WDR24: variants seen among roughly 807,000 people sequenced by gnomAD.
WDR24 encodes GATOR2 complex protein WDR24.
In WDR24, 32 loss-of-function variants were observed where a neutral mutation model predicts 66.7. The ratio of observed to expected loss-of-function variants is 0.48; its 90% CI spans 0.36 to 0.64. The LOEUF is 0.64. Ranked by LOEUF, WDR24 falls within the 30% of genes least tolerant of loss-of-function variation. The pLI is 0.00. For missense variants in WDR24, 978 were observed against 1,144.1 expected (o/e 0.85, Z 2.09); for synonymous variants, 565 against 469.1 (o/e 1.20, Z -2.64).
Position 685,872 on chromosome 16 carries a change from C to G in WDR24, c.1570G>C (p.Glu524Gln), listed in dbSNP as rs1445043055. The G allele has an allele frequency of 2.5e-6, 4 of 1,613,096 alleles. No homozygotes were observed. The African/African-American group carries it at 5.3e-5, about 22-fold the overall frequency. ...ACCCCTACCCACCCCAGCCTACCCT[C>G]ATTGGTGATGAGTGTGGCCGAGGAG... is the stretch of plus-strand genomic sequence containing the variant. ...LDSSATLITN[E>Q]DNEETEGSDV... Residue 524 changes from glutamate (E) to glutamine (Q), a missense_variant, in exon 5 of 9, where the codon GAG becomes CAG. By Grantham distance (29) the Glu-to-Gln change is conservative. Around this residue, in one of 2 missense-constraint regions of WDR24, gnomAD observed 676 missense variants for 617.5 expected, o/e 1.09. Transcript: ENST00000293883.
At position 690,351 on chromosome 16, in the gene WDR24, T is replaced by G. The variant is rs1374161747; in HGVS notation, c.-711A>C. 3 of 456,522 alleles carry G rather than the reference T, an allele frequency of 6.6e-6. No individual in the cohort carries two copies. The highest frequency in any genetic ancestry group is 1.3e-5 in the Non-Finnish European group (3 of 226,914). 28.3% of individuals were successfully genotyped at this position (456,522 alleles called of 1,614,324 possible). On this transcript the variant is annotated 5_prime_UTR_variant, in exon 1 of 9. Coordinates refer to ENST00000293883, the MANE Select transcript of WDR24 (RefSeq NM_032259.4). Reference sequence around the variant, plus strand: ...CCCTTCTCCCCCGCGCGAACCCCAATCTTTTACTAAAAGCGCACGGTTGTC... The same window carrying G: ...CCCTTCTCCCCCGCGCGAACCCCAAGCTTTTACTAAAAGCGCACGGTTGTC...
Position 685,870 on chromosome 16 carries a change from C to T in WDR24, c.1572G>A (p.Glu524=). Residue 524 remains glutamate, a splice_region_variant and synonymous_variant, in exon 5 of 9, where the codon GAG becomes GAA. Transcript: ENST00000293883. The part of the protein sequence containing the change: ...LDSSATLITN[E]DNEETEGSDV... ...GCACCCCTACCCACCCCAGCCTACC[C>T]TCATTGGTGATGAGTGTGGCCGAGG... 6.2e-7 allele frequency: 1 copy of T among 1,613,202 alleles called. No homozygotes were observed. Among genetic ancestry groups the T allele is most frequent in the Non-Finnish European group, 8.5e-7 (1 of 1,179,994 alleles).
rs373353229 is a variant in WDR24, at chr16:686,223, A to G, written c.1333-37T>C. 6 of 1,603,730 alleles carry G rather than the reference A, an allele frequency of 3.7e-6. No homozygotes were observed. In the African/African-American group the frequency reaches 8.0e-5, roughly 21 times the overall value. ...CACTGGTCACTTGTGGGCGTCCTGGACACCCAGCACCCCATGCAGGTCCCT... is the reference window on the plus strand; with the variant it reads ...CACTGGTCACTTGTGGGCGTCCTGGGCACCCAGCACCCCATGCAGGTCCCT... On this transcript the variant is annotated intron_variant, in intron 3 of 8. Coordinates refer to ENST00000293883, the MANE Select transcript of WDR24 (RefSeq NM_032259.4).
Position 690,361 on chromosome 16 carries a change from A to G in WDR24, c.-721T>C. 2.2e-6 allele frequency: 1 copy of G among 456,562 alleles called. No homozygotes were observed. Among genetic ancestry groups the G allele is most frequent in the Non-Finnish European group, 4.4e-6 (1 of 226,910 alleles). The allele number at this position is 456,562 out of a possible 1,614,324, so 28.3% of individuals were successfully genotyped here. A position where few individuals can be genotyped will look rare whatever the true frequency, so the allele number is the denominator to read the frequency against. On this transcript the variant is annotated 5_prime_UTR_variant, in exon 1 of 9. Coordinates refer to ENST00000293883, the MANE Select transcript of WDR24 (RefSeq NM_032259.4). ...CCGCGCGAACCCCAATCTTTTACTAAAAGCGCACGGTTGTCCGGAACCGCC... is the reference window on the plus strand; with the variant it reads ...CCGCGCGAACCCCAATCTTTTACTAGAAGCGCACGGTTGTCCGGAACCGCC...
intron 7 of WDR24, 32 bp from the exon 8 acceptor site, chr16:685,208 T>TACCCA: frequency 1.3e-6 from 2 of 1,598,940 alleles, no homozygotes; most frequent in South Asian, 2.2e-5. Context: ...AGTCAGGATC[T>TACCCA]GGGTGCCAGG....
At chr16:688,229 C>T (rs2039931929) in intron 1 of WDR24, 3 of 367,186 alleles carry the variant, frequency 8.2e-6, no homozygotes, top group East Asian at 7.4e-5. Flanking sequence ...GGGACCACCA[C>T]ACCAAGAAAC....
Position 685,179 on chromosome 16 carries a change from G to C in WDR24, c.2020-3C>G. On this transcript the variant is annotated splice_region_variant and splice_polypyrimidine_tract_variant and intron_variant, in intron 7 of 8. Coordinates refer to ENST00000293883, the MANE Select transcript of WDR24 (RefSeq NM_032259.4). ...ATGTAGGAAGTGTACCAGTGCTCCT[G>C]GGGGAGGGAGCGCCCGGCAGTCAGG... 6.3e-7 allele frequency: 1 copy of C among 1,589,108 alleles called. No homozygotes were observed. Among genetic ancestry groups the C allele is most frequent in the African/African-American group, 1.3e-5 (1 of 74,406 alleles).
rs778109868 is a variant in WDR24, at chr16:687,997, A to G, written c.482-258T>C. On this transcript the variant is annotated intron_variant, in intron 1 of 8. Coordinates refer to ENST00000293883, the MANE Select transcript of WDR24 (RefSeq NM_032259.4). ...ATTTGCCGTAGATTCTGCATCCTGCATCGGTCCATGAGCAAAGCTGTGGTG... is the reference window on the plus strand; with the variant it reads ...ATTTGCCGTAGATTCTGCATCCTGCGTCGGTCCATGAGCAAAGCTGTGGTG... The G allele has an allele frequency of 2.7e-5, 17 of 638,056 alleles. No homozygotes were observed. The Admixed American group carries it at 3.1e-4, about 12-fold the overall frequency. 39.5% of individuals were successfully genotyped at this position (638,056 alleles called of 1,614,324 possible).
chr16:685,840 C>A lies in WDR24; in HGVS notation c.1573+29G>T, dbSNP rs369385742. ...GTCTGGGACACCCCCACCCCTCTCC[C>A]ATCAGCACCCCTACCCACCCCAGCC... On this transcript the variant is annotated intron_variant, in intron 5 of 8. Coordinates refer to ENST00000293883, the MANE Select transcript of WDR24 (RefSeq NM_032259.4). The A allele has an allele frequency of 3.1e-6, 5 of 1,613,160 alleles. No homozygotes were observed. In the East Asian group the frequency reaches 1.1e-4, roughly 36 times the overall value.
At position 685,680 on chromosome 16, in the gene WDR24, G is replaced by C; in HGVS notation, c.1677C>G (p.His559Gln). ...CACCCTGCCCGGACCCCCACTCACG[G>C]TGCGCGTGTTCCGGATCCAGCAGGT... ...ELYLLDPEHA[H>Q]PEDPECVLPQ... The change falls in exon 6 of 9, where the codon CAC (histidine) becomes CAG (glutamine). Residue 559 changes from histidine (H) to glutamine (Q), a missense_variant and splice_region_variant. Around this residue, in one of 2 missense-constraint regions of WDR24, gnomAD observed 676 missense variants for 617.5 expected, o/e 1.09. Transcript: ENST00000293883. 1 of 1,613,002 alleles carries C rather than the reference G, an allele frequency of 6.2e-7. No individual in the cohort carries two copies. Among genetic ancestry groups the C allele is most frequent in the South Asian group, 1.1e-5 (1 of 91,090 alleles).
At chr16:686,712 C>T in intron 3 of WDR24, 32 bp downstream of exon 3, 1 of 1,556,620 alleles carries the variant, frequency 6.4e-7, no homozygotes. Context: ...GAGGTCGTGG[C>T]CCAGGGACCC....
rs757568552 is a variant in WDR24 at position 685,801 on chromosome 16, G to A, written c.1574-18C>T. On this transcript the variant is annotated intron_variant, in intron 5 of 8. Coordinates refer to ENST00000293883, the MANE Select transcript of WDR24 (RefSeq NM_032259.4). ...CTCGTTATCTGCCCGACAATGGGGCGGGCATTCAGGGTCGTCTGGGACACC... is the reference window on the plus strand; with the variant it reads ...CTCGTTATCTGCCCGACAATGGGGCAGGCATTCAGGGTCGTCTGGGACACC... The A allele has an allele frequency of 7.4e-6, 12 of 1,613,098 alleles. No homozygotes were observed. The highest frequency in any genetic ancestry group is 2.2e-5 in the South Asian group (2 of 91,086).
chr16:689,491 C>T lies in WDR24; in HGVS notation c.150G>A (p.Lys50=). 6.2e-7 allele frequency: 1 copy of T among 1,613,296 alleles called. No homozygotes were observed. Among genetic ancestry groups the T allele is most frequent in the East Asian group, 2.2e-5 (1 of 44,896 alleles). ...ACTGTTCCTCCTCGATGGCATAGATCTTGAAGATGCTACGGCCTGCCACGA... is the reference window on the plus strand; with the variant it reads ...ACTGTTCCTCCTCGATGGCATAGATTTTGAAGATGCTACGGCCTGCCACGA... ...QVVVAGRSIF[K]IYAIEEEQFV... The change falls in exon 1 of 9, where the codon AAG becomes AAA. Residue 50 remains lysine, a synonymous_variant. Coordinates refer to ENST00000293883, the MANE Select transcript of WDR24 (RefSeq NM_032259.4).
intron 1 of WDR24, chr16:688,211 C>T: frequency 2.5e-6 from 1 of 394,608 alleles, no homozygotes; most frequent in Non-Finnish European, 5.2e-6. Context: ...GGCCCAGGTC[C>T]ACCCTAGGGG....
At position 689,629 on chromosome 16, in the gene WDR24, C is replaced by T. The variant is rs769467631; in HGVS notation, c.12G>A (p.Met4Ile). The change falls in exon 1 of 9, where the codon ATG becomes ATA. Residue 4 changes from methionine to isoleucine, a missense_variant. Coordinates refer to ENST00000293883, the MANE Select transcript of WDR24 (RefSeq NM_032259.4). ...CACCCAGGGCTGTGGTCACACGGGA[C>T]ATCTTCTCCATGGCTGCACAGGTGA... Reference protein sequence around the residue: MEKMSRVTTALGGS... With the variant: MEKISRVTTALGGS... 1.9e-6 allele frequency: 3 copies of T among 1,612,252 alleles called. No homozygotes were observed. The highest frequency in any genetic ancestry group is 1.7e-6 in the Non-Finnish European group (2 of 1,179,556).
At position 689,515 on chromosome 16, in the gene WDR24, G is replaced by A. The variant is rs1306292218; in HGVS notation, c.126C>T (p.Val42=). Residue 42 remains valine (V), a synonymous_variant, in exon 1 of 9, where the codon GTC becomes GTT. Transcript: ENST00000293883. ...ISVCRDAAQV[V]VAGRSIFKIY... ...TCTTGAAGATGCTACGGCCTGCCAC[G>A]ACCACCTGGGCTGCGTCGCGGCACA... 4.3e-6 allele frequency: 7 copies of A among 1,613,100 alleles called. No homozygotes were observed. Among genetic ancestry groups the A allele is most frequent in the East Asian group, 2.2e-5 (1 of 44,900 alleles).
chr16:685,080 T>C lies in WDR24; in HGVS notation c.2116A>G (p.Ser706Gly). Residue 706 changes from serine (S) to glycine (G), a missense_variant, in exon 8 of 9, where the codon AGC (serine) becomes GGC (glycine). Coordinates refer to ENST00000293883, the MANE Select transcript of WDR24 (RefSeq NM_032259.4). ...GTGGTGGAGGCCTGGTTGAGGCAGC[T>C]GACGGCGCGGCTGGTGCTCAGCTTG... is the stretch of plus-strand genomic sequence containing the variant. ...VVKLSTSRAV[S>G]CLNQASTTLH... is the part of the protein sequence containing the mutation. 1 of 1,557,582 alleles carries C rather than the reference T, an allele frequency of 6.4e-7. No individual in the cohort carries two copies.
intron 5 of WDR24, 38 bp downstream of exon 5, chr16:685,831 C>A: frequency 6.2e-7 from 1 of 1,612,924 alleles, no homozygotes; most frequent in African/African-American, 1.3e-5. Flanking sequence ...GACACCCCCA[C>A]CCCTCTCCCA....
chr16:688,958 C>T, intron 1 of WDR24: 1 of 776,878 alleles, frequency 1.3e-6, no homozygotes, highest in Non-Finnish European at 2.0e-6. Flanking sequence ...TCTCTTGCCT[C>T]TTCCCACTTG....
Sources: allele counts gnomAD v4.1 joint callset, GRCh38; gene constraint gnomAD v4.1.1; regional missense constraint gnomAD v4.1.1; transcripts MANE v1.5; gene names NCBI Gene and HGNC (gene_info 2026-07-23, HGNC 2026-07-21).